Variants in MTHFD1L observed in about 807,000 individuals in gnomAD.
MTHFD1L encodes the protein monofunctional C1-tetrahydrofolate synthase, mitochondrial.
Under a neutral mutation model 119.5 loss-of-function variants are expected in MTHFD1L, and 81 were observed. That is an observed-to-expected ratio of 0.68 (90% CI 0.57 to 0.82). The LOEUF (loss-of-function observed/expected upper bound fraction) is 0.82, where lower values mean the gene tolerates loss of function less well. Among genes scored for constraint, MTHFD1L ranks in the 40% least tolerant of loss-of-function variants. The probability of loss-of-function intolerance (pLI) is 0.00; values close to 1 mark genes in which losing one functional copy is unlikely to be tolerated. For synonymous variants in MTHFD1L, 430 were observed against 475.2 expected (o/e 0.90, Z 1.24); for missense variants, 1,125 against 1,253.4 (o/e 0.90, Z 1.55).
At chr6:151,099,429 C>G in intron 27 of MTHFD1L, 3 of 820,072 alleles carry the variant, frequency 3.7e-6, no homozygotes, top group Non-Finnish European at 6.1e-6. Flanking sequence ...TACAGTGAGG[C>G]TGGCCGTGTC....
intron 7 of MTHFD1L, among the ~76,000 whole-genome samples, chr6:150,903,143 A>C (rs559227723): frequency 1.3e-5 from 2 of 150,882 alleles, no homozygotes; most frequent in South Asian, 4.2e-4. Context: ...GCTGTTTTTC[A>C]GATCTGTAGA....
Position 151,085,021 on chromosome 6 carries a change from G to GTA in MTHFD1L, c.2848-7441_2848-7440dup, listed in dbSNP as rs1029356794. On this transcript the variant is annotated intron_variant, in intron 26 of 27. Transcript: ENST00000367321. ...TATATATATGTATATATTTATATAT[G>GTA]TATATACACACACACACACATTAGA... 7.2e-5 allele frequency among the ~76,000 whole-genome samples: 9 copies of GTA among 125,744 alleles called. 1 individual carries two copies. Among genetic ancestry groups the GTA allele is most frequent in the African/African-American group, 2.5e-4 (8 of 31,584 alleles). 82.5% of individuals were successfully genotyped at this position (125,744 alleles called of 152,430 possible).
intron 26 of MTHFD1L, among the ~76,000 whole-genome samples, chr6:151,047,839 AC>A (rs1788336087): frequency 6.6e-6 from 1 of 152,150 alleles, no homozygotes; most frequent in Non-Finnish European, 1.5e-5. Context: ...ACTACCTGAG[AC>A]TGGATAGTTT....
intron 2 of MTHFD1L, 56 bp from the exon 3 acceptor site, chr6:150,877,578 C>T: frequency 6.4e-7 from 1 of 1,567,786 alleles, no homozygotes; most frequent in South Asian, 1.1e-5. Context: ...TCTGGATTAT[C>T]TTTTGTGCCT....
chr6:151,098,587 A>C (rs1481965445), intron 27 of MTHFD1L, among the ~76,000 whole-genome samples: 1 of 152,164 alleles, frequency 6.6e-6, no homozygotes, highest in Non-Finnish European at 1.5e-5. Flanking sequence ...ATCTAACTAA[A>C]ATGGAATGTT....
At chr6:150,976,432 C>T (rs1776581644) in intron 20 of MTHFD1L, among the ~76,000 whole-genome samples, 1 of 152,270 alleles carries the variant, frequency 6.6e-6, no homozygotes, top group South Asian at 2.1e-4. Context: ...CAAATTGACA[C>T]CAATTTGAGG....
intron 13 of MTHFD1L, among the ~76,000 whole-genome samples, chr6:150,941,178 G>C (rs867710761): frequency 2.0e-4 from 30 of 152,348 alleles, no homozygotes; most frequent in African/African-American, 6.3e-4. Flanking sequence ...GAATGAGGGA[G>C]AGCATTCAGC....
intron 23 of MTHFD1L, 42 bp from the exon 24 acceptor site, chr6:151,015,474 A>G: frequency 6.4e-7 from 1 of 1,570,442 alleles, no homozygotes; most frequent in Non-Finnish European, 8.6e-7. Context: ...AAACATAGCT[A>G]AATGGATACA....
intron 20 of MTHFD1L, among the ~76,000 whole-genome samples, chr6:150,984,475 TTCTG>T (rs765329732): frequency 1.3e-5 from 2 of 152,052 alleles, no homozygotes; most frequent in Non-Finnish European, 2.9e-5. Flanking sequence ...GAAGCCTGGT[TTCTG>T]TCTTTCTACA....
chr6:151,058,397 G>T (rs1039005348), intron 26 of MTHFD1L, among the ~76,000 whole-genome samples: 1 of 152,158 alleles, frequency 6.6e-6, no homozygotes, highest in African/African-American at 2.4e-5. Context: ...CTGCATTTCT[G>T]ATCTTTCAGA....
At chr6:151,089,459 C>T (rs540017859) in intron 26 of MTHFD1L, among the ~76,000 whole-genome samples, 8 of 152,196 alleles carry the variant, frequency 5.3e-5, no homozygotes, top group African/African-American at 9.6e-5. Context: ...AAAAATTAGC[C>T]GGGCATGGTG....
Position 151,009,815 on chromosome 6 carries a change from A to G in MTHFD1L, c.2126-4A>G. 2 of 1,613,692 alleles carry G rather than the reference A, an allele frequency of 1.2e-6. No homozygotes were observed. Among genetic ancestry groups the G allele is most frequent in the Non-Finnish European group, 1.7e-6 (2 of 1,179,846 alleles). On this transcript the variant is annotated splice_region_variant and splice_polypyrimidine_tract_variant and intron_variant, in intron 20 of 27. Coordinates refer to ENST00000367321, the MANE Select transcript of MTHFD1L (RefSeq NM_015440.5). ...TAGCACATATTCCACTTGCTTCCCCACAGTGACCGAAGCTGGCTTTGGTGC... is the reference window on the plus strand; with the variant it reads ...TAGCACATATTCCACTTGCTTCCCCGCAGTGACCGAAGCTGGCTTTGGTGC...
At chr6:151,012,016 C>CAAAAAAAAAA (rs1562535406) in intron 21 of MTHFD1L, among the ~76,000 whole-genome samples, 1 of 27,600 alleles carries the variant, frequency 3.6e-5, no homozygotes, top group African/African-American at 1.6e-4. Context: ...ACAACAACAA[C>CAAAAAAAAAA]AACAAAAAAA....
At chr6:151,013,189 G>A (rs1782549996) in intron 21 of MTHFD1L, among the ~76,000 whole-genome samples, 1 of 152,144 alleles carries the variant, frequency 6.6e-6, no homozygotes, top group Non-Finnish European at 1.5e-5. Context: ...AGACCAGCCT[G>A]GGGAAGATAG....
chr6:151,007,408 C>A (rs1312898998), intron 20 of MTHFD1L, among the ~76,000 whole-genome samples: 6 of 151,356 alleles, frequency 4.0e-5, no homozygotes, highest in African/African-American at 1.2e-4. Context: ...CTTAGGAATT[C>A]AATATGATTT....
intron 5 of MTHFD1L, among the ~76,000 whole-genome samples, chr6:150,883,088 A>G (rs1396891095): frequency 6.6e-6 from 1 of 151,418 alleles, no homozygotes; most frequent in Non-Finnish European, 1.5e-5. Flanking sequence ...GCTAGAGTGC[A>G]GTGGCGTGAT....
At chr6:150,998,495 C>G (rs1780130919) in intron 20 of MTHFD1L, among the ~76,000 whole-genome samples, 1 of 151,774 alleles carries the variant, frequency 6.6e-6, no homozygotes, top group South Asian at 2.1e-4. Flanking sequence ...AATGTTTTTA[C>G]CTTTTATTGT....
intron 1 of MTHFD1L, among the ~76,000 whole-genome samples, chr6:150,871,885 T>A (rs184160143): frequency 4.1e-4 from 62 of 151,464 alleles, no homozygotes; most frequent in African/African-American, 1.4e-3. Flanking sequence ...AATTTTATTT[T>A]ATTTTATTTT....
chr6:150,947,616 T>C (rs6940034), intron 15 of MTHFD1L, among the ~76,000 whole-genome samples: 4,213 of 152,106 alleles, frequency 0.028, 203 homozygotes, highest in African/African-American at 0.097. Flanking sequence ...AATTTTTTTT[T>C]TTCTCCTCCA....
Sources: allele counts gnomAD v4.1 joint callset (sites outside exome capture counted in the v4.1 genomes callset), GRCh38; gene constraint gnomAD v4.1.1; transcripts MANE v1.5; gene names NCBI Gene and HGNC (gene_info 2026-07-23, HGNC 2026-07-21).